The following SLC4A8 variants were observed in gnomAD, a reference collection of about 807,000 sequenced individuals.
SLC4A8 encodes electroneutral sodium bicarbonate exchanger 1.
In SLC4A8, 40 loss-of-function variants were observed where a neutral mutation model predicts 125.0. The ratio of observed to expected loss-of-function variants is 0.32; its 90% CI spans 0.25 to 0.42. The LOEUF is 0.42. SLC4A8 is among the 10% of genes least tolerant of loss of function. The pLI, the probability that SLC4A8 is intolerant of heterozygous loss-of-function variation, is 1.00. For missense variants in SLC4A8, 863 were observed against 1,355.1 expected (o/e 0.64, Z 5.70); for synonymous variants, 456 against 476.0 (o/e 0.96, Z 0.55).
At chr12:51,420,188 C>T (rs898191536), upstream of SLC4A8, 1 of 152,160 alleles carries the variant, frequency 6.6e-6, no homozygotes. Flanking sequence ...TTTCCTCCAA[C>T]CACATCTTGG....
intron 16 of SLC4A8, among the ~76,000 whole-genome samples, chr12:51,481,627 G>C (rs186276945): frequency 1.4e-4 from 22 of 152,086 alleles, no homozygotes; most frequent in Non-Finnish European, 2.8e-4. Flanking sequence ...CTTTACTTTA[G>C]GTAAAAAATC....
rs187186746 is a variant in SLC4A8, at chr12:51,468,754, C to T, written c.1350-860C>T. Among the ~76,000 whole-genome samples, 26 of 152,188 alleles carry T rather than the reference C, an allele frequency of 1.7e-4. No individual in the cohort carries two copies. The East Asian group carries it at 3.5e-3, about 20-fold the overall frequency. On this transcript the variant is annotated intron_variant, in intron 11 of 24. Coordinates refer to ENST00000453097, the MANE Select transcript of SLC4A8 (RefSeq NM_001039960.3). ...CAACCTGGGCAACAGAGTGAGACTC[C>T]GTCTCAAAAAAATATATAAAAATAA...
chr12:51,443,275 C>T lies in SLC4A8; in HGVS notation c.130+2486C>T, dbSNP rs151051985. Reference sequence around the variant, plus strand: ...TAGCTGGGGCTACAGGCACGTGCCACCATGCCTGGCTATCCTTACCCCATT... The same window carrying T: ...TAGCTGGGGCTACAGGCACGTGCCATCATGCCTGGCTATCCTTACCCCATT... On this transcript the variant is annotated intron_variant, in intron 2 of 24. Coordinates refer to ENST00000453097, the MANE Select transcript of SLC4A8 (RefSeq NM_001039960.3). 3.3e-5 allele frequency among the ~76,000 whole-genome samples: 5 copies of T among 152,266 alleles called. No homozygotes were observed. The East Asian group carries it at 9.7e-4, about 29-fold the overall frequency.
At chr12:51,428,539 G>A (rs1459663350) in intron 1 of SLC4A8, among the ~76,000 whole-genome samples, 1 of 152,176 alleles carries the variant, frequency 6.6e-6, no homozygotes, top group Non-Finnish European at 1.5e-5. Flanking sequence ...AGGCGTTGAA[G>A]CTGGAAAATC....
intron 14 of SLC4A8, among the ~76,000 whole-genome samples, chr12:51,472,082 A>T (rs188730506): frequency 1.3e-5 from 2 of 152,350 alleles, no homozygotes. Flanking sequence ...TCAACTTAAG[A>T]GATTATGATT....
At position 51,458,716 on chromosome 12, in the gene SLC4A8, A is replaced by T; in HGVS notation, c.855+66A>T. 3 of 1,113,368 alleles carry T rather than the reference A, an allele frequency of 2.7e-6. No homozygotes were observed. The South Asian group carries it at 3.8e-5, about 14-fold the overall frequency. 69.0% of individuals were successfully genotyped at this position (1,113,368 alleles called of 1,614,324 possible). ...TCCTTTTAGTGGAATCCAGAGTTTA[A>T]TTGCTGGAATCTGGGTAAGGTTTAG... On this transcript the variant is annotated intron_variant, in intron 7 of 24. Coordinates refer to ENST00000453097, the MANE Select transcript of SLC4A8 (RefSeq NM_001039960.3).
At position 51,425,044 on chromosome 12, in the gene SLC4A8, C is replaced by T; in HGVS notation, c.48+9C>T. 1 of 1,552,654 alleles carries T rather than the reference C, an allele frequency of 6.4e-7. No homozygotes were observed. Among genetic ancestry groups the T allele is most frequent in the African/African-American group, 1.4e-5 (1 of 73,220 alleles). On this transcript the variant is annotated intron_variant, in intron 1 of 24. Coordinates refer to ENST00000453097, the MANE Select transcript of SLC4A8 (RefSeq NM_001039960.3). ...GCGTCCTCAGCTATCAGGTAGGGCC[C>T]CGCCTCCCGCGCCTCCCGCTCCTCC...
chr12:51,491,737 GCAGACACA>G (rs1280724638), intron 19 of SLC4A8, among the ~76,000 whole-genome samples: 195 of 126,910 alleles, frequency 1.5e-3, no homozygotes, highest in Non-Finnish European at 2.6e-3. Flanking sequence ...CTGGGGATGG[GCAGACACA>G]CACACACACA....
intron 17 of SLC4A8, among the ~76,000 whole-genome samples, chr12:51,487,570 C>A (rs901314944): frequency 6.6e-6 from 1 of 152,182 alleles, no homozygotes; most frequent in African/African-American, 2.4e-5. Context: ...GCCTTTTATC[C>A]TCTAGCACCA....
At chr12:51,421,089 A>G (rs2138003656), upstream of SLC4A8, among the ~76,000 whole-genome samples, 1 of 152,220 alleles carries the variant, frequency 6.6e-6, no homozygotes, top group Admixed American at 6.5e-5. Context: ...TGTCCACTTT[A>G]TGCCTCTTTC....
chr12:51,459,948 C>T lies in SLC4A8; in HGVS notation c.856-3C>T, dbSNP rs1950271736. 6.2e-7 allele frequency: 1 copy of T among 1,609,910 alleles called. No homozygotes were observed. ...TTGTCAGATGTTTCTTTTGGACTTT[C>T]AGGTAGACCTTCATTTCATGAAAAA... On this transcript the variant is annotated splice_region_variant and splice_polypyrimidine_tract_variant and intron_variant, in intron 7 of 24. Transcript: ENST00000453097.
At chr12:51,403,068 T>A (rs1266508460) in intron 1 of SLC4A8, 23 of 317,980 alleles carry the variant, frequency 7.2e-5, no homozygotes, top group South Asian at 4.2e-4. Flanking sequence ...CATTTTTTTT[T>A]AAAGGACAAT....
intron 1 of SLC4A8, among the ~76,000 whole-genome samples, chr12:51,397,506 G>A (rs1171780459): frequency 6.6e-6 from 1 of 152,046 alleles, no homozygotes; most frequent in Non-Finnish European, 1.5e-5. Context: ...AGAGTCAGGT[G>A]GGATGGGGAA....
At chr12:51,506,359 TAAC>T (rs774849727) in intron 24 of SLC4A8, among the ~76,000 whole-genome samples, 10 of 152,368 alleles carry the variant, frequency 6.6e-5, no homozygotes, top group Non-Finnish European at 8.8e-5. Context: ...TAATGAGAAC[TAAC>T]AACAAGTAAA....
At chr12:51,450,602 A>G (rs890888470) in intron 2 of SLC4A8, 2 of 401,586 alleles carry the variant, frequency 5.0e-6, no homozygotes, top group African/African-American at 4.2e-5. Flanking sequence ...TAACATCTGA[A>G]TCAGCCTTTA....
At chr12:51,415,804 A>G (rs928409666) in intron 1 of SLC4A8, among the ~76,000 whole-genome samples, 12 of 148,566 alleles carry the variant, frequency 8.1e-5, no homozygotes, top group Non-Finnish European at 1.8e-4. Flanking sequence ...AAATTTACCT[A>G]TCAGGTACAG....
chr12:51,432,874 T>G (rs1268546522), intron 1 of SLC4A8, among the ~76,000 whole-genome samples: 1 of 152,154 alleles, frequency 6.6e-6, no homozygotes, highest in African/African-American at 2.4e-5. Context: ...TGTTAATGTA[T>G]GTACTCTCTG....
intron 16 of SLC4A8, among the ~76,000 whole-genome samples, chr12:51,478,597 A>G (rs1345212909): frequency 2.6e-5 from 4 of 152,152 alleles, no homozygotes; most frequent in Admixed American, 2.6e-4. Context: ...TAATTTTCCT[A>G]CTGCTCTGCA....
chr12:51,415,047 A>C (rs1420337230), intron 1 of SLC4A8, among the ~76,000 whole-genome samples: 1 of 151,932 alleles, frequency 6.6e-6, no homozygotes, highest in African/African-American at 2.4e-5. Flanking sequence ...GTGCTGTTGG[A>C]CTTGGTTTGA....
Sources: gnomAD v4.1 joint callset for allele counts (sites outside exome capture counted in the v4.1 genomes callset) on GRCh38, gnomAD v4.1.1 for gene constraint, MANE v1.5 for transcripts, NCBI Gene and HGNC (gene_info 2026-07-23, HGNC 2026-07-21) for gene names.